FHIP1A: variants seen among roughly 807,000 people sequenced by gnomAD.
FHIP1A encodes FHF complex subunit HOOK-interacting protein 1A.
In FHIP1A, 61 loss-of-function variants were observed where a neutral mutation model predicts 88.6. The ratio of observed to expected loss-of-function variants is 0.69; its 90% CI spans 0.56 to 0.85. The LOEUF (loss-of-function observed/expected upper bound fraction) is 0.85, where lower values mean the gene tolerates loss of function less well. FHIP1A is among the 40% of genes least tolerant of loss of function. The probability of loss-of-function intolerance (pLI) is 0.00; values close to 1 mark genes in which losing one functional copy is unlikely to be tolerated. For missense variants in FHIP1A, 1,154 were observed against 1,273.5 expected (o/e 0.91, Z 1.43); for synonymous variants, 478 against 496.0 (o/e 0.96, Z 0.48).
intron 3 of FHIP1A, among the ~76,000 whole-genome samples, chr4:151,562,883 G>A (rs984923965): frequency 2.0e-5 from 3 of 152,082 alleles, no homozygotes; most frequent in Non-Finnish European, 4.4e-5. Context: ...TTTTACATTG[G>A]AAAAGAGGTG....
chr4:151,582,494 T>C (rs1734062500), intron 5 of FHIP1A, among the ~76,000 whole-genome samples: 1 of 152,226 alleles, frequency 6.6e-6, no homozygotes, highest in African/African-American at 2.4e-5. Context: ...TAGAGAACTT[T>C]AATAACTGCC....
chr4:151,414,765 C>T (rs1732819714), intron 1 of FHIP1A, among the ~76,000 whole-genome samples: 1 of 152,146 alleles, frequency 6.6e-6, no homozygotes, highest in African/African-American at 2.4e-5. Flanking sequence ...AAAGTTAACA[C>T]CCTTAAGTTT....
At chr4:151,480,238 TG>T (rs992075097) in intron 2 of FHIP1A, among the ~76,000 whole-genome samples, 7 of 151,984 alleles carry the variant, frequency 4.6e-5, no homozygotes, top group Non-Finnish European at 1.0e-4. Flanking sequence ...GGGATCATGA[TG>T]GTAAAATATA....
At chr4:151,411,203 CTT>C (rs1732625341) in intron 1 of FHIP1A, among the ~76,000 whole-genome samples, 1 of 152,168 alleles carries the variant, frequency 6.6e-6, no homozygotes, top group African/African-American at 2.4e-5. Context: ...GTTCAAAATA[CTT>C]TCTCTGCTAA....
intron 9 of FHIP1A, among the ~76,000 whole-genome samples, chr4:151,639,297 G>A (rs4696279): frequency 0.29 from 43,435 of 152,146 alleles, 6,442 homozygotes; most frequent in Non-Finnish European, 0.33. Context: ...TCCTTTGGAC[G>A]GAAGTACAGG....
At chr4:151,512,537 GA>G in intron 3 of FHIP1A, among the ~76,000 whole-genome samples, 1 of 152,282 alleles carries the variant, frequency 6.6e-6, no homozygotes, top group East Asian at 1.9e-4. Context: ...CAAAGGCAAA[GA>G]AGTTGAAAAC....
intron 7 of FHIP1A, among the ~76,000 whole-genome samples, chr4:151,612,831 T>A (rs1735377377): frequency 1.3e-5 from 2 of 152,218 alleles, no homozygotes; most frequent in African/African-American, 4.8e-5. Context: ...TATTTTTATT[T>A]AATGAATCTG....
chr4:151,581,059 A>G (rs1734006607), intron 5 of FHIP1A, among the ~76,000 whole-genome samples: 1 of 152,120 alleles, frequency 6.6e-6, no homozygotes, highest in Admixed American at 6.5e-5. Context: ...GAGTTTTACC[A>G]TGTTGACCAG....
chr4:151,509,826 C>T (rs1052605436), intron 3 of FHIP1A, among the ~76,000 whole-genome samples: 13 of 151,872 alleles, frequency 8.6e-5, no homozygotes, highest in South Asian at 2.1e-4. Flanking sequence ...TTTCCCCCCA[C>T]GATATATCTC....
In FHIP1A at chr4:151,458,879, T is replaced by C. The variant is rs1206501639; in HGVS notation, c.-248+4071T>C. Reference sequence around the variant, plus strand: ...CTATCAGGATCACTGGCATTTCCTGTAATATTTAGCAGAAAAAGGGTCATA... The same window carrying C: ...CTATCAGGATCACTGGCATTTCCTGCAATATTTAGCAGAAAAAGGGTCATA... On this transcript the variant is annotated intron_variant, in intron 2 of 13. Coordinates refer to ENST00000435205, the MANE Select transcript of FHIP1A (RefSeq NM_001109977.3). 3.9e-5 allele frequency among the ~76,000 whole-genome samples: 6 copies of C among 151,948 alleles called. No individual in the cohort carries two copies. In the East Asian group the frequency reaches 1.2e-3, roughly 29 times the overall value.
At chr4:151,498,624 G>C (rs879234991) in intron 3 of FHIP1A, among the ~76,000 whole-genome samples, 4 of 152,084 alleles carry the variant, frequency 2.6e-5, no homozygotes, top group Admixed American at 2.6e-4. Flanking sequence ...GACCATCCTG[G>C]CTAACACGGT....
At chr4:151,415,682 T>A (rs1024002365) in intron 1 of FHIP1A, among the ~76,000 whole-genome samples, 3 of 152,198 alleles carry the variant, frequency 2.0e-5, no homozygotes, top group Admixed American at 2.0e-4. Context: ...GTCCCTTCAT[T>A]TTTAGTTATA....
intron 2 of FHIP1A, among the ~76,000 whole-genome samples, chr4:151,477,898 A>C (rs1729763268): frequency 6.6e-6 from 1 of 152,182 alleles, no homozygotes; most frequent in Non-Finnish European, 1.5e-5. Context: ...AAAATCTATA[A>C]TATGAAAATT....
intron 2 of FHIP1A, among the ~76,000 whole-genome samples, chr4:151,463,748 G>A (rs1433459858): frequency 6.6e-6 from 1 of 152,158 alleles, no homozygotes; most frequent in Admixed American, 6.5e-5. Flanking sequence ...CGAGCATGTG[G>A]CATTTTGTTC....
Position 151,620,496 on chromosome 4 carries a change from A to G in FHIP1A, c.979-9206A>G, listed in dbSNP as rs150026332. ...TAAGCATTTGACCCTGACATACCTG[A>G]TTCTGTCCCTTCTTCTAGTATAGCT... On this transcript the variant is annotated intron_variant, in intron 7 of 13. Coordinates refer to ENST00000435205, the MANE Select transcript of FHIP1A (RefSeq NM_001109977.3). Among the ~76,000 whole-genome samples the G allele has an allele frequency of 1.8e-4, 27 of 152,328 alleles. No homozygotes were observed. In the East Asian group the frequency reaches 2.1e-3, roughly 12 times the overall value.
At chr4:151,568,788 A>G (rs1166964308) in intron 4 of FHIP1A, among the ~76,000 whole-genome samples, 1 of 152,174 alleles carries the variant, frequency 6.6e-6, no homozygotes, top group Admixed American at 6.5e-5. Context: ...TACGTTGGCT[A>G]TGGAAAAGGA....
intron 1 of FHIP1A, among the ~76,000 whole-genome samples, chr4:151,439,017 T>A (rs910233312): frequency 2.0e-5 from 3 of 152,334 alleles, no homozygotes; most frequent in East Asian, 1.9e-4. Flanking sequence ...GAAACACCCG[T>A]GTACTCAGCA....
chr4:151,658,530 TGA>T (rs1042600887), intron 13 of FHIP1A, among the ~76,000 whole-genome samples: 1 of 151,998 alleles, frequency 6.6e-6, no homozygotes, highest in African/African-American at 2.4e-5. Context: ...GTTCCAAGAG[TGA>T]GAGCAGAAGC....
intron 1 of FHIP1A, among the ~76,000 whole-genome samples, chr4:151,421,748 C>T (rs1166187851): frequency 4.6e-5 from 7 of 151,946 alleles, no homozygotes; most frequent in African/African-American, 1.7e-4. Flanking sequence ...GCTGAAGACC[C>T]CTGTTTCTAG....
Sources: allele counts gnomAD v4.1 joint callset (sites outside exome capture counted in the v4.1 genomes callset), GRCh38; gene constraint gnomAD v4.1.1; transcripts MANE v1.5; gene names NCBI Gene and HGNC (gene_info 2026-07-23, HGNC 2026-07-21).